The following IL10RB variants were observed in gnomAD, a reference collection of about 807,000 sequenced individuals.
IL10RB encodes interleukin-10 receptor subunit beta.
A neutral mutation model predicts 38.7 loss-of-function variants in IL10RB; 30 were observed. The ratio of observed to expected loss-of-function variants is 0.78; its 90% CI spans 0.58 to 1.05. IL10RB has a LOEUF of 1.05. Ranked by LOEUF, IL10RB falls within the 50% of genes least tolerant of loss-of-function variation. IL10RB has a pLI of 0.00. For missense variants in IL10RB, 328 were observed against 397.1 expected, an observed-to-expected ratio of 0.83 and a Z score of 1.48; for synonymous variants, 142 against 145.9, an observed-to-expected ratio of 0.97 and a Z score of 0.19.
intron 1 of IL10RB, among the ~76,000 whole-genome samples, chr21:33,304,553 T>C (rs1568915568): frequency 6.6e-6 from 1 of 152,232 alleles, no homozygotes; most frequent in Non-Finnish European, 1.5e-5. Flanking sequence ...AGAGCATCAC[T>C]GATACTGTTT....
At chr21:33,283,424 C>G (rs1989316277) in intron 5 of IL10RB, among the ~76,000 whole-genome samples, 183 bp downstream of exon 5, 1 of 152,208 alleles carries the variant, frequency 6.6e-6, no homozygotes, top group South Asian at 2.1e-4. Context: ...TCTGAGGCAG[C>G]TCATTCACTC....
chr21:33,302,651 G>A (rs2082988771), intron 1 of IL10RB, among the ~76,000 whole-genome samples: 1 of 152,358 alleles, frequency 6.6e-6, no homozygotes, highest in Middle Eastern at 3.4e-3. Flanking sequence ...ACAGGAGGGT[G>A]TGGAGAAGCT....
intron 6 of IL10RB, among the ~76,000 whole-genome samples, chr21:33,293,331 A>G (rs2066547850): frequency 6.6e-6 from 1 of 152,238 alleles, no homozygotes; most frequent in Non-Finnish European, 1.5e-5. Context: ...GACCGAGGCA[A>G]CTGCCTTCTG....
chr21:33,272,931 G>C (rs768951027), intron 2 of IL10RB, among the ~76,000 whole-genome samples: 5 of 152,220 alleles, frequency 3.3e-5, no homozygotes, highest in Non-Finnish European at 7.3e-5. Flanking sequence ...AGCGGTTGCT[G>C]TCGGGGCTGG....
At chr21:33,283,348 T>G in intron 5 of IL10RB, 107 bp downstream of exon 5, 2 of 1,162,922 alleles carry the variant, frequency 1.7e-6, no homozygotes, top group East Asian at 2.4e-5. Flanking sequence ...CAGAAATCTA[T>G]CGCCCTGACA....
downstream of IL10RB, among the ~76,000 whole-genome samples, chr21:33,298,723 G>C (rs2082977357): frequency 6.6e-6 from 1 of 152,198 alleles, no homozygotes. Context: ...GCACAGTACA[G>C]AGAAACAAAA....
chr21:33,287,091 A>G (rs2266590), intron 5 of IL10RB, among the ~76,000 whole-genome samples: 77,441 of 151,940 alleles, frequency 0.51, 20,959 homozygotes, highest in African/African-American at 0.7. Context: ...CTCGCAGATC[A>G]TTGAGAAAAA....
chr21:33,281,386 C>A (rs1407049333), intron 4 of IL10RB, among the ~76,000 whole-genome samples: 3 of 152,210 alleles, frequency 2.0e-5, no homozygotes, highest in African/African-American at 4.8e-5. Flanking sequence ...CCTCCTGAGG[C>A]AAGTGTGAAT....
chr21:33,303,208 A>G (rs762200882), intron 1 of IL10RB, among the ~76,000 whole-genome samples: 4 of 151,988 alleles, frequency 2.6e-5, no homozygotes, highest in Non-Finnish European at 5.9e-5. Flanking sequence ...CCATAAAACT[A>G]CAGAAGCCTC....
chr21:33,275,156 T>C (rs1003412877), intron 2 of IL10RB, among the ~76,000 whole-genome samples: 3 of 144,766 alleles, frequency 2.1e-5, no homozygotes, highest in East Asian at 2.0e-4. Context: ...ACTTTTCTTT[T>C]TTTTTTTTTT....
At chr21:33,281,213 A>C (rs569473864) in intron 4 of IL10RB, among the ~76,000 whole-genome samples, 5 of 152,250 alleles carry the variant, frequency 3.3e-5, no homozygotes, top group Non-Finnish European at 5.9e-5. Flanking sequence ...TCATAGTGAC[A>C]GTTAAGTTTC....
rs577827737 is a variant in IL10RB, at chr21:33,305,250, C to T, written c.130-3726C>T. 1.2e-4 allele frequency among the ~76,000 whole-genome samples: 19 copies of T among 152,094 alleles called. 1 individual carries two copies. Among genetic ancestry groups the T allele is most frequent in the Non-Finnish European group, 7.4e-5 (5 of 68,016 alleles). On this transcript the variant is annotated intron_variant, in intron 1 of 1. Coordinates refer to the IL10RB transcript ENST00000609556. ...CAGCTTCTGGAGTAGCAGGAACTAC[C>T]GATGCGCACCACCACGACAGGCTAA... is the stretch of plus-strand genomic sequence containing the variant.
intron 3 of IL10RB, 65 bp from the exon 4 acceptor site, chr21:33,279,687 A>C: frequency 2.1e-6 from 3 of 1,411,732 alleles, no homozygotes; most frequent in Middle Eastern, 1.8e-4. Context: ...ATGGTTATGA[A>C]AAATTAATGT....
chr21:33,283,040 AGGT>A (rs1989307285), intron 4 of IL10RB, 51 bp from the exon 5 acceptor site: 2 of 1,387,398 alleles, frequency 1.4e-6, no homozygotes, highest in African/African-American at 2.9e-5. Flanking sequence ...AAAAAAAAAA[AGGT>A]GGTGCCCTTC....
intron 6 of IL10RB, among the ~76,000 whole-genome samples, chr21:33,290,155 C>G (rs1989457996): frequency 6.6e-6 from 1 of 150,888 alleles, no homozygotes; most frequent in Non-Finnish European, 1.5e-5. Context: ...ACCCGGCATG[C>G]TGGCGCATGC....
Position 33,275,812 on chromosome 21 carries a change from G to C in IL10RB, c.174-784G>C, listed in dbSNP as rs8178469. 5.9e-3 allele frequency among the ~76,000 whole-genome samples: 892 copies of C among 152,346 alleles called. 12 individuals carry two copies. The highest frequency in any genetic ancestry group is 0.021 in the African/African-American group (853 of 41,564). On this transcript the variant is annotated intron_variant, in intron 2 of 6. Coordinates refer to ENST00000290200, the MANE Select transcript of IL10RB (RefSeq NM_000628.5). ...CCCGAGGAGAAGGAGAGAGGCAGGA[G>C]AGTGGACAGTGGGTGGAGAAGTCAG... is the stretch of plus-strand genomic sequence containing the variant.
chr21:33,308,629 G>T (rs928543003), intron 1 of IL10RB: 1 of 152,152 alleles, frequency 6.6e-6, no homozygotes, highest in Non-Finnish European at 1.5e-5. Flanking sequence ...TGTATGTGAA[G>T]ATCCCACAAA....
In IL10RB at chr21:33,297,164, A is replaced by G. The variant is rs2082971178; in HGVS notation, c.*807A>G. Reference sequence around the variant, plus strand: ...GTACTTTGAATTTATTTTTCTACCTATATATGTTTTATATGCTGCTGGTGC... The same window carrying G: ...GTACTTTGAATTTATTTTTCTACCTGTATATGTTTTATATGCTGCTGGTGC... On this transcript the variant is annotated 3_prime_UTR_variant, in exon 7 of 7. Coordinates refer to ENST00000290200, the MANE Select transcript of IL10RB (RefSeq NM_000628.5). 6.5e-6 allele frequency: 1 copy of G among 154,110 alleles called. No homozygotes were observed. The highest frequency in any genetic ancestry group is 1.4e-5 in the Non-Finnish European group (1 of 69,378). The allele number at this position is 154,110 out of a possible 1,614,324, so 9.5% of individuals were successfully genotyped here. A position where few individuals can be genotyped will look rare whatever the true frequency, so the allele number is the denominator to read the frequency against.
chr21:33,281,151 G>A (rs1324326007), intron 4 of IL10RB, among the ~76,000 whole-genome samples: 1 of 152,146 alleles, frequency 6.6e-6, no homozygotes, highest in African/African-American at 2.4e-5. Flanking sequence ...ATTCAGGAAG[G>A]CTCTGCCCTC....
Sources: gnomAD v4.1 joint callset for allele counts (sites outside exome capture counted in the v4.1 genomes callset) on GRCh38, gnomAD v4.1.1 for gene constraint, MANE v1.5 for transcripts, NCBI Gene and HGNC (gene_info 2026-07-23, HGNC 2026-07-21) for gene names.